DDX50: variants seen among roughly 807,000 people sequenced by gnomAD.
The protein encoded by DDX50 is DExD-box helicase 50.
In DDX50, 56 loss-of-function variants were observed where a neutral mutation model predicts 94.8. That is an observed-to-expected ratio of 0.59 (90% confidence interval 0.48 to 0.74). The LOEUF is 0.74. DDX50 is among the 30% of genes least tolerant of loss of function. The pLI, the probability that DDX50 is intolerant of heterozygous loss-of-function variation, is 0.00. For synonymous variants in DDX50, 264 were observed against 295.4 expected, an observed-to-expected ratio of 0.89 and a Z score of 1.09; for missense variants, 713 against 881.2, an observed-to-expected ratio of 0.81 and a Z score of 2.42.
intron 8 of DDX50, among the ~76,000 whole-genome samples, chr10:68,933,825 C>T (rs1049494814): frequency 4.0e-5 from 6 of 151,784 alleles, no homozygotes; most frequent in African/African-American, 1.5e-4. Flanking sequence ...ATCCCAGCTA[C>T]TCGGGAGGCT....
intron 8 of DDX50, among the ~76,000 whole-genome samples, chr10:68,924,561 G>A (rs1735389600): frequency 6.6e-6 from 1 of 152,002 alleles, no homozygotes; most frequent in Non-Finnish European, 1.5e-5. Context: ...AGATGGGAAG[G>A]CATTGGTGAG....
chr10:68,937,503 C>A (rs979063908), intron 12 of DDX50, among the ~76,000 whole-genome samples: 2 of 151,766 alleles, frequency 1.3e-5, no homozygotes, highest in African/African-American at 2.4e-5. Flanking sequence ...GGATCATTAG[C>A]GTATCCATCG....
chr10:68,918,876 G>A (rs1231760816), intron 7 of DDX50, among the ~76,000 whole-genome samples: 6 of 152,212 alleles, frequency 3.9e-5, no homozygotes, highest in East Asian at 1.9e-4. Context: ...GCATATGCTC[G>A]ATGGTGGTCC....
intron 7 of DDX50, 100 bp from the exon 8 acceptor site, chr10:68,919,732 C>A: frequency 7.0e-7 from 1 of 1,435,738 alleles, no homozygotes; most frequent in Non-Finnish European, 9.5e-7. Context: ...TACAGTCTCC[C>A]AGGAAGGCTA....
At chr10:68,920,018 A>T (rs768656768) in intron 8 of DDX50, 37 bp downstream of exon 8, 10 of 1,610,682 alleles carry the variant, frequency 6.2e-6, no homozygotes, top group African/African-American at 1.3e-5. Flanking sequence ...AATTGAAATT[A>T]TGGGGATGAA....
intron 14 of DDX50, among the ~76,000 whole-genome samples, chr10:68,945,041 A>G (rs1388992377): frequency 6.6e-6 from 1 of 151,930 alleles, no homozygotes; most frequent in Admixed American, 6.6e-5. Flanking sequence ...CCAGTGTCCT[A>G]TTTTCTGAAA....
chr10:68,944,738 G>C (rs1313945277), intron 14 of DDX50, among the ~76,000 whole-genome samples: 1 of 152,042 alleles, frequency 6.6e-6, no homozygotes, highest in African/African-American at 2.4e-5. Context: ...GTAGAGACGG[G>C]GTTTCACCAT....
Position 68,906,853 on chromosome 10 carries a change from G to A in DDX50, c.230G>A (p.Gly77Glu). The A allele has an allele frequency of 2.5e-6, 4 of 1,613,090 alleles. No homozygotes were observed. Among genetic ancestry groups the A allele is most frequent in the Non-Finnish European group, 3.4e-6 (4 of 1,179,868 alleles). ...AAGCTAAATGGAGACACTGAAGAAGGATTTAATAGACTTTCAGATGAATTC... is the reference window on the plus strand; with the variant it reads ...AAGCTAAATGGAGACACTGAAGAAGAATTTAATAGACTTTCAGATGAATTC... The part of the protein sequence containing the change: ...KEKLNGDTEE[G>E]FNRLSDEFSK... Residue 77 changes from glycine to glutamate, a missense_variant, in exon 2 of 15, where the codon GGA becomes GAA. Around this residue, in one of 2 missense-constraint regions of DDX50, gnomAD observed 285 missense variants for 278.9 expected, o/e 1.02. Transcript: ENST00000373585.
intron 8 of DDX50, among the ~76,000 whole-genome samples, chr10:68,920,986 T>C (rs2132037893): frequency 6.6e-6 from 1 of 151,496 alleles, no homozygotes; most frequent in African/African-American, 2.4e-5. Flanking sequence ...AAAAAACCTT[T>C]TAAAGAAAAT....
chr10:68,917,940 T>C (rs1456272557), intron 7 of DDX50, among the ~76,000 whole-genome samples: 1 of 152,026 alleles, frequency 6.6e-6, no homozygotes, highest in Non-Finnish European at 1.5e-5. Context: ...CTTTTTTTTT[T>C]TGAGATGGAA....
chr10:68,927,625 A>G (rs916858562), intron 8 of DDX50, among the ~76,000 whole-genome samples: 71 of 152,222 alleles, frequency 4.7e-4, no homozygotes, highest in African/African-American at 1.5e-3. Context: ...TATTTCAAGT[A>G]TCTGCTTTTG....
At position 68,929,298 on chromosome 10, in the gene DDX50, T is replaced by TTC. The variant is rs772081551; in HGVS notation, c.1240-4901_1240-4900insTC. 3.0e-3 allele frequency among the ~76,000 whole-genome samples: 394 copies of TTC among 132,276 alleles called. 3 individuals are homozygous for TTC. The highest frequency in any genetic ancestry group is 5.7e-3 in the South Asian group (26 of 4,578). The allele number at this position is 132,276 out of a possible 152,430, so 86.8% of individuals were successfully genotyped here. A position where few individuals can be genotyped will look rare whatever the true frequency, so the allele number is the denominator to read the frequency against. On this transcript the variant is annotated intron_variant, in intron 8 of 14. Coordinates refer to ENST00000373585, the MANE Select transcript of DDX50 (RefSeq NM_024045.2). Reference sequence around the variant, plus strand: ...CTTCCTTCCTTCCTTCCTTCCTCTCTCTCTCTCTCTCTCTCTTTCTTTCTC... The same window carrying TTC: ...CTTCCTTCCTTCCTTCCTTCCTCTCTTCCTCTCTCTCTCTCTCTTTCTTTCTC...
intron 13 of DDX50, among the ~76,000 whole-genome samples, chr10:68,942,025 G>A (rs1439760631): frequency 6.7e-6 from 1 of 150,338 alleles, no homozygotes; most frequent in Non-Finnish European, 1.5e-5. Context: ...TGAGCTCAAG[G>A]GATTCACCTG....
At chr10:68,926,334 C>G (rs1842089928) in intron 8 of DDX50, among the ~76,000 whole-genome samples, 1 of 150,510 alleles carries the variant, frequency 6.6e-6, no homozygotes, top group Admixed American at 6.6e-5. Flanking sequence ...GTTTTTTAAT[C>G]TTGAAGAAAT....
chr10:68,901,618 C>G, intron 1 of DDX50, 147 bp downstream of exon 1: 2 of 827,164 alleles, frequency 2.4e-6, no homozygotes, highest in Non-Finnish European at 3.7e-6. Context: ...TCTGGGGTCG[C>G]TCAGGGACCG....
Position 68,936,099 on chromosome 10 carries a change from T to C in DDX50, c.1595+20T>C. The C allele has an allele frequency of 6.3e-7, 1 of 1,584,304 alleles. No individual in the cohort carries two copies. Among genetic ancestry groups the C allele is most frequent in the Non-Finnish European group, 8.6e-7 (1 of 1,164,804 alleles). On this transcript the variant is annotated intron_variant, in intron 11 of 14. Coordinates refer to ENST00000373585, the MANE Select transcript of DDX50 (RefSeq NM_024045.2). ...CATCAGGTATGCTTTCTGAACTTGC[T>C]GAATAATTGTTTCTTTTGTATTAGG...
chr10:68,914,533 G>A (rs903261930), intron 7 of DDX50, among the ~76,000 whole-genome samples: 4 of 152,008 alleles, frequency 2.6e-5, no homozygotes, highest in African/African-American at 9.7e-5. Context: ...CAAAGAAGGC[G>A]ATTTATATTG....
At chr10:68,944,464 CTTT>C (rs1359194237) in intron 14 of DDX50, among the ~76,000 whole-genome samples, 2 of 152,218 alleles carry the variant, frequency 1.3e-5, no homozygotes, top group Admixed American at 6.5e-5. Flanking sequence ...CTTTCGAAGT[CTTT>C]TTAAAAATTC....
intron 1 of DDX50, among the ~76,000 whole-genome samples, chr10:68,904,279 C>G (rs2132018367): frequency 6.6e-6 from 1 of 152,176 alleles, no homozygotes; most frequent in South Asian, 2.1e-4. Context: ...CTGCTGCACT[C>G]CAGCCTGGGA....
Sources: gnomAD v4.1 joint callset for allele counts (sites outside exome capture counted in the v4.1 genomes callset) on GRCh38, gnomAD v4.1.1 for gene constraint, gnomAD v4.1.1 regional missense constraint, MANE v1.5 for transcripts, NCBI Gene and HGNC (gene_info 2026-07-23, HGNC 2026-07-21) for gene names.